Variants in PIK3R6 observed in about 807,000 individuals in gnomAD.
PIK3R6 encodes the protein phosphoinositide 3-kinase regulatory subunit 6.
A neutral mutation model predicts 84.9 loss-of-function variants in PIK3R6; 91 were observed. That is an observed-to-expected ratio of 1.07 (90% CI 0.90 to 1.28). The LOEUF is 1.28. Among genes scored for constraint, PIK3R6 ranks in the 50% most tolerant of loss-of-function variants. The pLI, the probability that PIK3R6 is intolerant of heterozygous loss-of-function variation, is 0.00. For synonymous variants in PIK3R6, 416 were observed against 411.4 expected (o/e 1.01, Z -0.13); for missense variants, 996 against 985.1 (o/e 1.01, Z -0.15).
chr17:8,864,185 T>C (rs1194392551), intron 1 of PIK3R6, among the ~76,000 whole-genome samples: 1 of 152,162 alleles, frequency 6.6e-6, no homozygotes, highest in Admixed American at 6.5e-5. Flanking sequence ...GTCAATATAA[T>C]AGAGATAATG....
intron 12 of PIK3R6, among the ~76,000 whole-genome samples, chr17:8,827,763 G>GGAGGGAGA (rs2087985955): frequency 2.9e-5 from 1 of 34,830 alleles, no homozygotes; most frequent in South Asian, 8.9e-4. Flanking sequence ...GAGAGAGAGA[G>GGAGGGAGA]GAGAGAGAGA....
chr17:8,827,038 T>C, intron 13 of PIK3R6, 134 bp downstream of exon 13: 1 of 1,027,228 alleles, frequency 9.7e-7, no homozygotes, highest in South Asian at 1.6e-5. Flanking sequence ...AAAGGTCAAG[T>C]GCAGCAGCAA....
intron 18 of PIK3R6, among the ~76,000 whole-genome samples, chr17:8,816,495 A>G (rs1348121793): frequency 6.6e-6 from 1 of 152,312 alleles, no homozygotes; most frequent in East Asian, 1.9e-4. Flanking sequence ...TGATTAGTAG[A>G]TTTTGCAACA....
intron 2 of PIK3R6, among the ~76,000 whole-genome samples, chr17:8,847,793 A>G (rs887698805): frequency 4.8e-5 from 7 of 146,610 alleles, no homozygotes; most frequent in Admixed American, 2.1e-4. Flanking sequence ...GCAGAGAGAG[A>G]CTCTGTCTCA....
chr17:8,856,573 G>A (rs1309611202), intron 1 of PIK3R6, among the ~76,000 whole-genome samples: 1 of 152,216 alleles, frequency 6.6e-6, no homozygotes, highest in Non-Finnish European at 1.5e-5. Context: ...CTGCACTCCA[G>A]CCTGGGTGAA....
At chr17:8,829,870 C>T in intron 9 of PIK3R6, 78 bp from the exon 10 acceptor site, 1 of 1,188,288 alleles carries the variant, frequency 8.4e-7, no homozygotes, top group South Asian at 1.4e-5. Flanking sequence ...CTGCCCAGCT[C>T]CTGTGCGGGG....
rs767916377 is a variant in PIK3R6, at chr17:8,828,114, C to G, written c.1390G>C (p.Glu464Gln). ...CCGCCTCCCCGCGGTCCAGTCACCT[C>G]AGGCGCCAGCACGGGGATGTAGTAG... ...QLYYIPVLAP[E>Q]KPAASRQPEL... Residue 464 changes from glutamate (E) to glutamine (Q), a missense_variant and splice_region_variant, in exon 12 of 20, where the codon GAG (glutamate) becomes CAG (glutamine). Glu to Gln is a conservative substitution (Grantham distance 29). Transcript: ENST00000619866. 2 of 1,613,782 alleles carry G rather than the reference C, an allele frequency of 1.2e-6. No individual in the cohort carries two copies. The highest frequency in any genetic ancestry group is 1.3e-5 in the African/African-American group (1 of 74,936).
At chr17:8,835,567 C>T in intron 7 of PIK3R6, 111 bp from the exon 8 acceptor site, 1 of 930,788 alleles carries the variant, frequency 1.1e-6, no homozygotes, top group Non-Finnish European at 1.5e-6. Flanking sequence ...TTTAATTCTG[C>T]TAAAAAGAGG....
chr17:8,809,206 T>A (rs892684539), intron 18 of PIK3R6, among the ~76,000 whole-genome samples: 1 of 152,072 alleles, frequency 6.6e-6, no homozygotes, highest in Non-Finnish European at 1.5e-5. Context: ...TAAACTAAAT[T>A]AATAAATGAA....
intron 14 of PIK3R6, 81 bp downstream of exon 14, chr17:8,823,306 G>T: frequency 9.2e-7 from 1 of 1,088,678 alleles, no homozygotes; most frequent in East Asian, 2.5e-5. Flanking sequence ...TTGGTGGCCT[G>T]GTGACCAGTG....
At position 8,833,040 on chromosome 17, in the gene PIK3R6, G is replaced by C; in HGVS notation, c.651C>G (p.Ser217Arg). Residue 217 changes from serine to arginine, a missense_variant, in exon 9 of 20, where the codon AGC becomes AGG. Physicochemically the swap from Ser to Arg is moderately radical, Grantham distance 110. Transcript: ENST00000619866. ...AATAGTGCTCCAGGGTGCGGCGAGG[G>C]CTGGCCTGTTGGGGAGGGGCGTCAG... ...AGALHRKLQA[S>R]PRRTLEHYFH... 6.3e-7 allele frequency: 1 copy of C among 1,587,960 alleles called. No individual in the cohort carries two copies. Among genetic ancestry groups the C allele is most frequent in the Non-Finnish European group, 8.5e-7 (1 of 1,170,214 alleles).
intron 9 of PIK3R6, among the ~76,000 whole-genome samples, chr17:8,830,080 T>C (rs1370437690): frequency 6.6e-6 from 1 of 152,106 alleles, no homozygotes; most frequent in Non-Finnish European, 1.5e-5. Flanking sequence ...CAACCTATGC[T>C]CCTATGCTGG....
chr17:8,859,316 T>C (rs370889124), intron 1 of PIK3R6, among the ~76,000 whole-genome samples: 2 of 152,122 alleles, frequency 1.3e-5, no homozygotes, highest in African/African-American at 4.8e-5. Flanking sequence ...GGGTGCGTGG[T>C]CTACCAGTCT....
At chr17:8,838,394 C>T (rs1328409104) in intron 4 of PIK3R6, 170 bp downstream of exon 4, 5 of 574,204 alleles carry the variant, frequency 8.7e-6, no homozygotes, top group East Asian at 6.0e-5. Flanking sequence ...TGAGAGTCGA[C>T]GTAAAGAAAA....
At chr17:8,863,721 G>C (rs890963818) in intron 1 of PIK3R6, among the ~76,000 whole-genome samples, 2 of 152,170 alleles carry the variant, frequency 1.3e-5, no homozygotes, top group Non-Finnish European at 2.9e-5. Context: ...TTTTAGTAGA[G>C]ATGGGGTTTC....
At chr17:8,837,386 C>A (rs966192657) in intron 5 of PIK3R6, among the ~76,000 whole-genome samples, 7 of 152,116 alleles carry the variant, frequency 4.6e-5, no homozygotes, top group African/African-American at 1.7e-4. Flanking sequence ...CGGAGCTAAG[C>A]CCCATCTTGA....
At chr17:8,850,176 G>C (rs1387580915) in intron 1 of PIK3R6, among the ~76,000 whole-genome samples, 1 of 151,928 alleles carries the variant, frequency 6.6e-6, no homozygotes, top group Non-Finnish European at 1.5e-5. Flanking sequence ...ATGGTGGCAG[G>C]TGCCTGTAAT....
chr17:8,864,451 G>C (rs756240226), intron 1 of PIK3R6, among the ~76,000 whole-genome samples: 6 of 151,410 alleles, frequency 4.0e-5, no homozygotes, highest in Non-Finnish European at 8.8e-5. Context: ...ATGAAGCTGT[G>C]GTGGGCTAAC....
Position 8,803,856 on chromosome 17 carries a change from G to A in PIK3R6, c.2108+185C>T, listed in dbSNP as rs758467121. The stretch of plus-strand genomic sequence containing the variant: ...CCTGGGTATGCCATTCATTTGCCTC[G>A]ACTTCCTGGATCCAAAGCATAGGGC... On this transcript the variant is annotated intron_variant, in intron 19 of 19. Transcript: ENST00000619866. This position sits in a 1 kb window ranked among gnomAD's most constrained non-coding sequence, Gnocchi z 5.0. The A allele has an allele frequency of 1.5e-4, 90 of 609,990 alleles. 1 individual carries two copies. The highest frequency in any genetic ancestry group is 1.3e-3 in the African/African-American group (69 of 54,102). 37.8% of individuals were successfully genotyped at this position (609,990 alleles called of 1,614,324 possible). A position where few individuals can be genotyped will look rare whatever the true frequency, so the allele number is the denominator to read the frequency against.
Sources: gnomAD v4.1 joint callset for allele counts (sites outside exome capture counted in the v4.1 genomes callset) on GRCh38, gnomAD v4.1.1 for gene constraint, Gnocchi (gnomAD v3.1) non-coding constraint, MANE v1.5 for transcripts, NCBI Gene and HGNC (gene_info 2026-07-23, HGNC 2026-07-21) for gene names.